The following RFT1 variants were observed in gnomAD, a reference collection of about 807,000 sequenced individuals.
RFT1 encodes the protein RFT1 glycolipid translocator homolog.
Under a neutral mutation model 62.2 loss-of-function variants are expected in RFT1, and 43 were observed. That is an observed-to-expected ratio of 0.69 (90% confidence interval 0.54 to 0.89). The LOEUF is 0.89. RFT1 is among the 40% of genes least tolerant of loss of function. The probability of loss-of-function intolerance (pLI) is 0.00; values close to 1 mark genes in which losing one functional copy is unlikely to be tolerated. For synonymous variants in RFT1, 262 were observed against 264.6 expected, an observed-to-expected ratio of 0.99 and a Z score of 0.10; for missense variants, 605 against 649.9, an observed-to-expected ratio of 0.93 and a Z score of 0.75.
intron 4 of RFT1, 68 bp downstream of exon 4, chr3:53,122,306 G>T (rs1701991294): frequency 1.4e-6 from 2 of 1,437,048 alleles, no homozygotes. Context: ...TCCTATAAAA[G>T]CATTTTTAAA....
At chr3:53,122,259 AT>A in intron 4 of RFT1, 114 bp downstream of exon 4, 2 of 1,015,732 alleles carry the variant, frequency 2.0e-6, no homozygotes, top group Non-Finnish European at 3.1e-6. Context: ...TTCTAAATAC[AT>A]TTTTAGGTGC....
chr3:53,095,872 T>C (rs1181636947), intron 11 of RFT1, among the ~76,000 whole-genome samples: 1 of 152,220 alleles, frequency 6.6e-6, no homozygotes, highest in East Asian at 1.9e-4. Flanking sequence ...TGATATCTTA[T>C]GTGCCAAAGT....
intron 7 of RFT1, among the ~76,000 whole-genome samples, chr3:53,108,389 CT>C (rs60743696): frequency 0.58 from 69,651 of 120,286 alleles, 19,875 homozygotes; most frequent in East Asian, 0.79. Flanking sequence ...GCTTTCATAT[CT>C]TTTTTTTTTT....
At chr3:53,081,653 T>A in the RFT1 span, among the ~76,000 whole-genome samples, 1 of 152,060 alleles carries the variant, frequency 6.6e-6, no homozygotes, top group African/African-American at 2.4e-5. Flanking sequence ...AGGCCAAAAG[T>A]GAGGTGCCTT....
chr3:53,087,117 A>G (rs1030618699), downstream of RFT1, among the ~76,000 whole-genome samples: 4 of 152,206 alleles, frequency 2.6e-5, no homozygotes, highest in African/African-American at 9.7e-5. Context: ...GCATGCCTGC[A>G]GTCCCAGCTA....
intron 10 of RFT1, among the ~76,000 whole-genome samples, 167 bp from the exon 11 acceptor site, chr3:53,099,653 T>C (rs570185813): frequency 1.8e-4 from 27 of 152,198 alleles, no homozygotes; most frequent in African/African-American, 6.3e-4. Flanking sequence ...TCTAGAAGGA[T>C]TCCCAACATT....
chr3:53,101,515 T>G (rs1033897372), intron 10 of RFT1, among the ~76,000 whole-genome samples: 1 of 151,932 alleles, frequency 6.6e-6, no homozygotes, highest in Admixed American at 6.6e-5. Context: ...ACGTAAAGGG[T>G]TTTGTGTCCA....
At position 53,088,872 on chromosome 3, in the gene RFT1, C is replaced by G. The variant is rs1355359677; in HGVS notation, c.*3031G>C. 6.6e-6 allele frequency: 1 copy of G among 152,110 alleles called. No individual in the cohort carries two copies. The highest frequency in any genetic ancestry group is 1.5e-5 in the Non-Finnish European group (1 of 68,176). The allele number at this position is 152,110 out of a possible 1,614,324, so 9.4% of individuals were successfully genotyped here. A position where few individuals can be genotyped will look rare whatever the true frequency, so the allele number is the denominator to read the frequency against. Reference sequence around the variant, plus strand: ...AAAGAATAGGCCAGGAGCGGTGGCTCACGCCTGTAATCCCAGCACTTTGGG... The same window carrying G: ...AAAGAATAGGCCAGGAGCGGTGGCTGACGCCTGTAATCCCAGCACTTTGGG... On this transcript the variant is annotated 3_prime_UTR_variant, in exon 13 of 13. Coordinates refer to ENST00000296292, the MANE Select transcript of RFT1 (RefSeq NM_052859.4).
chr3:53,108,538 G>A (rs1426661318), intron 7 of RFT1, among the ~76,000 whole-genome samples: 1 of 151,582 alleles, frequency 6.6e-6, no homozygotes, highest in African/African-American at 2.4e-5. Context: ...ACAGGCACCC[G>A]CCACCATCCC....
chr3:53,068,634 C>T, the RFT1 span, among the ~76,000 whole-genome samples: 1 of 137,098 alleles, frequency 7.3e-6, no homozygotes, highest in Non-Finnish European at 1.5e-5. Context: ...AGGCAGAAAG[C>T]CTGGTCCTGG....
In RFT1 at chr3:53,091,874, G is replaced by A. The variant is rs965505108; in HGVS notation, c.*29C>T. The A allele has an allele frequency of 1.2e-6, 2 of 1,612,388 alleles. No individual in the cohort carries two copies. The highest frequency in any genetic ancestry group is 8.5e-7 in the Non-Finnish European group (1 of 1,178,768). On this transcript the variant is annotated 3_prime_UTR_variant, in exon 13 of 13. Coordinates refer to ENST00000296292, the MANE Select transcript of RFT1 (RefSeq NM_052859.4). The stretch of plus-strand genomic sequence containing the variant: ...ACAGAACTACCCATAGCTGGTCCAG[G>A]TGCCTCGGGTGTCCAGGCTTCCCTG...
chr3:53,075,890 G>A, the RFT1 span, among the ~76,000 whole-genome samples: 1 of 152,164 alleles, frequency 6.6e-6, no homozygotes, highest in Non-Finnish European at 1.5e-5. Context: ...GGCCCTGGGA[G>A]GCAACCTCAG....
intron 6 of RFT1, among the ~76,000 whole-genome samples, chr3:53,119,246 T>C (rs1174254042): frequency 6.6e-6 from 1 of 151,868 alleles, no homozygotes; most frequent in Non-Finnish European, 1.5e-5. Context: ...TCATCCCTAC[T>C]TTCTCAGAAC....
At position 53,123,831 on chromosome 3, in the gene RFT1, C is replaced by A; in HGVS notation, c.159G>T (p.Leu53=). The A allele has an allele frequency of 1.9e-6, 3 of 1,613,548 alleles. No individual in the cohort carries two copies. Among genetic ancestry groups the A allele is most frequent in the Non-Finnish European group, 2.5e-6 (3 of 1,179,454 alleles). ...IVGVVNVRLT[L]LYSTTLFLAR... ...CCAGGAAGAGGGTGGTTGAGTAAAG[C>A]AGCGTTAGTCTGTAAATGAAAGGGA... Residue 53 remains leucine, a synonymous_variant, in exon 3 of 13, where the codon CTG becomes CTT. Transcript: ENST00000296292.
At chr3:53,099,002 A>G (rs1701233457) in intron 11 of RFT1, among the ~76,000 whole-genome samples, 1 of 152,160 alleles carries the variant, frequency 6.6e-6, no homozygotes, top group African/African-American at 2.4e-5. Context: ...AGGAATGTGC[A>G]TCTTGAAGAA....
intron 7 of RFT1, among the ~76,000 whole-genome samples, chr3:53,110,633 CATA>C (rs1701621436): frequency 6.6e-6 from 1 of 151,348 alleles, no homozygotes; most frequent in South Asian, 2.1e-4. Flanking sequence ...CTTTTGGAGA[CATA>C]ATAAACAAAA....
chr3:53,105,642 A>C, intron 9 of RFT1, 31 bp downstream of exon 9: 1 of 1,611,446 alleles, frequency 6.2e-7, no homozygotes, highest in Non-Finnish European at 8.5e-7. Context: ...GGGAGAATTC[A>C]CTTGAGAGAT....
the RFT1 span, among the ~76,000 whole-genome samples, chr3:53,070,393 GTTTTTTTTTTTTTTTT>G: frequency 1.2e-5 from 1 of 85,466 alleles, no homozygotes; most frequent in East Asian, 3.4e-4. Flanking sequence ...CTGTATTATG[GTTTTTTTTTTTTTTTT>G]TTTTTTTTTT....
chr3:53,101,421 T>C (rs2107101023), intron 10 of RFT1, among the ~76,000 whole-genome samples: 1 of 152,248 alleles, frequency 6.6e-6, no homozygotes, highest in East Asian at 1.9e-4. Context: ...TGAACGCTAA[T>C]GGCACAGGAG....
Sources: allele counts gnomAD v4.1 joint callset (sites outside exome capture counted in the v4.1 genomes callset), GRCh38; gene constraint gnomAD v4.1.1; transcripts MANE v1.5; gene names NCBI Gene and HGNC (gene_info 2026-07-23, HGNC 2026-07-21).